The following UBR3 variants were observed in gnomAD, a reference collection of about 807,000 sequenced individuals.
UBR3 encodes ubiquitin protein ligase E3 component n-recognin 3, also known as E3 ubiquitin-protein ligase UBR3.
A neutral mutation model predicts 243.2 loss-of-function variants in UBR3; 85 were observed. The ratio of observed to expected loss-of-function variants is 0.35; its 90% confidence interval spans 0.29 to 0.42. The LOEUF (loss-of-function observed/expected upper bound fraction) is 0.42. Ranked by LOEUF, UBR3 falls within the 10% of genes least tolerant of loss-of-function variation. The probability of loss-of-function intolerance (pLI) is 1.00; values close to 1 mark genes in which losing one functional copy is unlikely to be tolerated. For synonymous variants in UBR3, 748 were observed against 799.8 expected (o/e 0.94, Z 1.09); for missense variants, 1,686 against 2,300.8 (o/e 0.73, Z 5.47).
At chr2:170,081,462 T>C (rs1025682650) in intron 38 of UBR3, among the ~76,000 whole-genome samples, 9 of 151,996 alleles carry the variant, frequency 5.9e-5, no homozygotes, top group Admixed American at 5.9e-4. Flanking sequence ...ATCGTGCCAC[T>C]GCACTCCAGC....
intron 26 of UBR3, among the ~76,000 whole-genome samples, chr2:169,997,406 G>A (rs1419371745): frequency 6.6e-6 from 1 of 152,104 alleles, no homozygotes; most frequent in East Asian, 2.0e-4. Flanking sequence ...GGGATGCAGT[G>A]GCACCCGAAA....
Position 169,924,004 on chromosome 2 carries a change from T to C in UBR3, c.1932+10T>C. The C allele has an allele frequency of 1.3e-6, 2 of 1,535,660 alleles. No individual in the cohort carries two copies. The highest frequency in any genetic ancestry group is 1.8e-6 in the Non-Finnish European group (2 of 1,142,608). On this transcript the variant is annotated intron_variant, in intron 12 of 38. Coordinates refer to ENST00000272793, the MANE Select transcript of UBR3 (RefSeq NM_172070.4). Reference sequence around the variant, plus strand: ...TATGTTTTTGAGTAAGGTAAGACTGTCATTAAACAATTCTGTTCTTTTTTT... The same window carrying C: ...TATGTTTTTGAGTAAGGTAAGACTGCCATTAAACAATTCTGTTCTTTTTTT...
At chr2:170,027,657 C>G (rs898916186) in intron 30 of UBR3, among the ~76,000 whole-genome samples, 1 of 151,866 alleles carries the variant, frequency 6.6e-6, no homozygotes, top group African/African-American at 2.4e-5. Context: ...TGCAGAACTC[C>G]TCACCGTGCA....
intron 29 of UBR3, among the ~76,000 whole-genome samples, chr2:170,009,214 C>T (rs558221772): frequency 1.3e-5 from 2 of 151,956 alleles, no homozygotes; most frequent in Admixed American, 6.5e-5. Flanking sequence ...ATATGTACCT[C>T]GAACATGTGA....
chr2:169,963,234 T>G (rs1177226703), intron 24 of UBR3, among the ~76,000 whole-genome samples: 1 of 152,158 alleles, frequency 6.6e-6, no homozygotes, highest in African/African-American at 2.4e-5. Context: ...TTCAAATAAT[T>G]ATTCTGTTTT....
At chr2:170,030,257 G>A (rs975287639) in intron 31 of UBR3, among the ~76,000 whole-genome samples, 3 of 151,906 alleles carry the variant, frequency 2.0e-5, no homozygotes, top group Admixed American at 6.6e-5. Context: ...GCCCGGGTTC[G>A]TTTTGTACAT....
chr2:169,874,951 C>G (rs976302387), intron 2 of UBR3, among the ~76,000 whole-genome samples: 5 of 151,948 alleles, frequency 3.3e-5, no homozygotes, highest in African/African-American at 1.2e-4. Context: ...TGTAAAACCT[C>G]TCTATATTTT....
chr2:170,011,889 A>G (rs2090095090), intron 29 of UBR3, among the ~76,000 whole-genome samples: 3 of 152,108 alleles, frequency 2.0e-5, no homozygotes, highest in Non-Finnish European at 4.4e-5. Context: ...TCTTTTTTCA[A>G]TACCAATCAT....
chr2:169,892,330 T>C (rs1247035698), intron 6 of UBR3, among the ~76,000 whole-genome samples: 1 of 152,180 alleles, frequency 6.6e-6, no homozygotes. Flanking sequence ...TTGTGACACA[T>C]CTGAGTTGGA....
Position 169,827,578 on chromosome 2 carries a change from TG to T in UBR3, c.73del (p.Ala25ProfsTer2). 8.1e-7 allele frequency: 1 copy of T among 1,238,652 alleles called. No homozygotes were observed. The highest frequency in any genetic ancestry group is 3.8e-5 in the South Asian group (1 of 26,506). 76.7% of individuals were successfully genotyped at this position (1,238,652 alleles called of 1,614,324 possible). A position where few individuals can be genotyped will look rare whatever the true frequency, so the allele number is the denominator to read the frequency against. On this transcript the variant is annotated frameshift_variant, in exon 1 of 39. Coordinates refer to ENST00000272793, the MANE Select transcript of UBR3 (RefSeq NM_172070.4). LOFTEE classifies it high-confidence loss of function. The part of the protein sequence containing the change: ...PSQPELPAPG[L>X]ALDKAATAAH... ...CAGCCCGAGCTGCCCGCGCCGGGGC[TG>T]GCCCTAGACAAGGCGGCCACCGCCG...
intron 25 of UBR3, among the ~76,000 whole-genome samples, chr2:169,987,522 A>G (rs970425576): frequency 2.0e-5 from 3 of 151,522 alleles, no homozygotes; most frequent in Admixed American, 6.6e-5. Flanking sequence ...TTATTTGTTC[A>G]AACAGTCTGT....
intron 1 of UBR3, among the ~76,000 whole-genome samples, chr2:169,831,668 G>A (rs999888295): frequency 2.6e-5 from 4 of 152,214 alleles, no homozygotes; most frequent in Admixed American, 2.0e-4. Context: ...AAGAGAAATA[G>A]GTGATGTTGA....
intron 26 of UBR3, among the ~76,000 whole-genome samples, chr2:169,995,516 T>A (rs2089445839): frequency 6.6e-6 from 1 of 152,242 alleles, no homozygotes; most frequent in South Asian, 2.1e-4. Context: ...GTGGTTAAAT[T>A]AGTTTTGTTC....
At chr2:170,030,626 A>G (rs2090642668) in intron 31 of UBR3, among the ~76,000 whole-genome samples, 1 of 152,126 alleles carries the variant, frequency 6.6e-6, no homozygotes, top group Admixed American at 6.6e-5. Flanking sequence ...ACTACTAACC[A>G]TAAATTATCT....
At chr2:169,840,388 A>G (rs1477830133) in intron 1 of UBR3, among the ~76,000 whole-genome samples, 1 of 152,192 alleles carries the variant, frequency 6.6e-6, no homozygotes, top group Non-Finnish European at 1.5e-5. Context: ...TATCTGACCG[A>G]GATGTCGGTG....
chr2:169,852,883 A>AAAAC (rs1491293579), intron 1 of UBR3, among the ~76,000 whole-genome samples: 50 of 59,846 alleles, frequency 8.4e-4, no homozygotes, highest in East Asian at 4.9e-3. Flanking sequence ...AAAAAACAAA[A>AAAAC]CCAAACAAAT....
At chr2:169,855,783 T>G (rs1203351975) in intron 1 of UBR3, among the ~76,000 whole-genome samples, 1 of 152,208 alleles carries the variant, frequency 6.6e-6, no homozygotes, top group African/African-American at 2.4e-5. Context: ...CGATCTCTCT[T>G]TCTTTTCCCC....
At chr2:169,874,406 A>G (rs12992261) in intron 2 of UBR3, among the ~76,000 whole-genome samples, 71,027 of 151,924 alleles carry the variant, frequency 0.47, 18,528 homozygotes, top group Non-Finnish European at 0.6. Context: ...CTGACCTCAG[A>G]TGATCCACCG....
intron 16 of UBR3, 60 bp downstream of exon 16, chr2:169,927,031 C>T: frequency 6.6e-7 from 1 of 1,515,234 alleles, no homozygotes; most frequent in Non-Finnish European, 8.9e-7. Flanking sequence ...TCTCCCCCTC[C>T]CTGTGGTAGT....
Sources: gnomAD v4.1 joint callset for allele counts (sites outside exome capture counted in the v4.1 genomes callset) on GRCh38, gnomAD v4.1.1 for gene constraint, MANE v1.5 for transcripts, NCBI Gene and HGNC (gene_info 2026-07-23, HGNC 2026-07-21) for gene names.